ATG10: variants seen among roughly 807,000 people sequenced by gnomAD.
The protein encoded by ATG10 is autophagy related 10.
A neutral mutation model predicts 32.1 loss-of-function variants in ATG10; 30 were observed. The observed-to-expected ratio is 0.94, with a 90% CI of 0.70 to 1.27. The LOEUF is 1.27. ATG10 is among the 50% of genes most tolerant of loss of function. The pLI is 0.00. For synonymous variants in ATG10, 87 were observed against 91.5 expected (o/e 0.95, Z 0.28); for missense variants, 233 against 262.3 (o/e 0.89, Z 0.77).
chr5:82,230,188 G>C (rs748928793), intron 5 of ATG10, among the ~76,000 whole-genome samples: 1 of 152,164 alleles, frequency 6.6e-6, no homozygotes, highest in Non-Finnish European at 1.5e-5. Flanking sequence ...TCTATGTGAT[G>C]TTTTTGTGAA....
At chr5:82,181,768 T>C (rs1239287602) in intron 5 of ATG10, among the ~76,000 whole-genome samples, 2 of 152,148 alleles carry the variant, frequency 1.3e-5, no homozygotes, top group East Asian at 3.9e-4. Flanking sequence ...TGTGCTCATA[T>C]AGTTTGTTGC....
intron 3 of ATG10, among the ~76,000 whole-genome samples, chr5:82,062,697 T>C (rs899401873): frequency 6.6e-6 from 1 of 152,204 alleles, no homozygotes; most frequent in Non-Finnish European, 1.5e-5. Flanking sequence ...TATTCTATTC[T>C]TACCTTTAGA....
At chr5:81,993,214 A>G (rs1761511186) in intron 2 of ATG10, among the ~76,000 whole-genome samples, 1 of 152,098 alleles carries the variant, frequency 6.6e-6, no homozygotes, top group African/African-American at 2.4e-5. Context: ...AGGAATAACA[A>G]TAATACTTAC....
intron 3 of ATG10, among the ~76,000 whole-genome samples, chr5:82,081,011 A>G (rs1461689605): frequency 6.6e-6 from 1 of 152,140 alleles, no homozygotes; most frequent in African/African-American, 2.4e-5. Flanking sequence ...GTGTTCTTCC[A>G]CTTGTTTGTG....
In ATG10 at chr5:82,080,039, C is replaced by G. The variant is rs1374221551; in HGVS notation, c.216+21437C>G. On this transcript the variant is annotated intron_variant, in intron 3 of 7. Transcript: ENST00000282185. The stretch of plus-strand genomic sequence containing the variant: ...CTCTCCAGCACCTGTTGTTTCCTGA[C>G]TTTTTAATGATTACCATTCTAACTG... 2.0e-5 allele frequency among the ~76,000 whole-genome samples: 3 copies of G among 152,318 alleles called. No individual in the cohort carries two copies. In the East Asian group the frequency reaches 5.8e-4, roughly 29 times the overall value.
intron 2 of ATG10, among the ~76,000 whole-genome samples, chr5:82,021,710 G>A (rs1439795647): frequency 1.3e-5 from 2 of 151,862 alleles, no homozygotes; most frequent in African/African-American, 4.8e-5. Flanking sequence ...GTGAAACCCT[G>A]TCTCTACTAA....
intron 2 of ATG10, among the ~76,000 whole-genome samples, chr5:82,004,013 G>A (rs1246043671): frequency 6.6e-6 from 1 of 152,092 alleles, no homozygotes; most frequent in Admixed American, 6.6e-5. Context: ...TGTAGTGGGG[G>A]CACCTGTAAT....
intron 5 of ATG10, among the ~76,000 whole-genome samples, chr5:82,229,787 T>G (rs930378843): frequency 6.6e-6 from 1 of 152,112 alleles, no homozygotes; most frequent in African/African-American, 2.4e-5. Context: ...TACTAGCCAC[T>G]TTACATAAGG....
intron 5 of ATG10, among the ~76,000 whole-genome samples, chr5:82,206,015 A>T (rs192931581): frequency 3.9e-4 from 59 of 152,336 alleles, no homozygotes; most frequent in African/African-American, 1.3e-3. Context: ...AAGGAACTGA[A>T]ATCTTGAGAA....
intron 3 of ATG10, among the ~76,000 whole-genome samples, chr5:82,113,290 C>T (rs907939533): frequency 5.9e-5 from 9 of 151,864 alleles, no homozygotes; most frequent in African/African-American, 2.2e-4. Context: ...CATATTTTGC[C>T]TTGAATCAGA....
chr5:81,984,280 A>G (rs942868147), intron 1 of ATG10, among the ~76,000 whole-genome samples: 1 of 152,240 alleles, frequency 6.6e-6, no homozygotes, highest in African/African-American at 2.4e-5. Context: ...TACGAAAACC[A>G]GTCAGGCCTG....
intron 2 of ATG10, chr5:82,010,022 C>T (rs373418932): frequency 2.5e-5 from 41 of 1,609,540 alleles, no homozygotes; most frequent in South Asian, 2.0e-4. Flanking sequence ...TGTCAGCTAA[C>T]AGCTCAAAGG....
At chr5:82,051,644 G>A (rs961300887) in intron 2 of ATG10, among the ~76,000 whole-genome samples, 33 of 152,216 alleles carry the variant, frequency 2.2e-4, no homozygotes, top group African/African-American at 7.5e-4. Context: ...CCCTGGCCAG[G>A]ATCCTCTCAT....
At chr5:82,093,576 A>G (rs1176379807) in intron 3 of ATG10, among the ~76,000 whole-genome samples, 2 of 152,166 alleles carry the variant, frequency 1.3e-5, no homozygotes, top group Non-Finnish European at 2.9e-5. Flanking sequence ...GAACACAACT[A>G]TGCCCATTTG....
chr5:82,252,742 TA>T (rs2150032536), intron 6 of ATG10, 83 bp downstream of exon 6: 1 of 768,588 alleles, frequency 1.3e-6, no homozygotes, highest in South Asian at 1.8e-5. Context: ...AATGCTAGGC[TA>T]AAAAAGAAAT....
chr5:82,085,745 A>G (rs1764661953), intron 3 of ATG10, among the ~76,000 whole-genome samples: 5 of 152,182 alleles, frequency 3.3e-5, no homozygotes, highest in Admixed American at 3.3e-4. Context: ...TTAGTAAAAA[A>G]TGGGTATTTG....
chr5:82,099,101 A>C (rs1765172340), intron 3 of ATG10, among the ~76,000 whole-genome samples: 1 of 152,192 alleles, frequency 6.6e-6, no homozygotes, highest in South Asian at 2.1e-4. Context: ...AACCTCACCT[A>C]GATTTATATT....
rs544790841 is a variant in ATG10, at chr5:81,990,488, A to C, written c.108+2810A>C. Among the ~76,000 whole-genome samples, 3 of 152,306 alleles carry C rather than the reference A, an allele frequency of 2.0e-5. No homozygotes were observed. The East Asian group carries it at 5.8e-4, about 29-fold the overall frequency. ...AAGGGTGAGGAGGCTGGTGCTGAGA[A>C]GGATCTTTAGTAGGGAAATTCTGTC... On this transcript the variant is annotated intron_variant, in intron 2 of 7. Transcript: ENST00000282185.
chr5:82,000,660 C>CTT (rs113046446), intron 2 of ATG10, among the ~76,000 whole-genome samples: 25 of 151,878 alleles, frequency 1.6e-4, no homozygotes, highest in African/African-American at 5.1e-4. Flanking sequence ...AGTAGCATTT[C>CTT]TTTTTTTTGT....
Sources: allele counts gnomAD v4.1 joint callset (sites outside exome capture counted in the v4.1 genomes callset), GRCh38; gene constraint gnomAD v4.1.1; transcripts MANE v1.5; gene names NCBI Gene and HGNC (gene_info 2026-07-23, HGNC 2026-07-21).